HTR4: variants seen among roughly 807,000 people sequenced by gnomAD.
HTR4 encodes 5-hydroxytryptamine (serotonin) receptor 4, G protein-coupled.
HTR4 carries 16 observed loss-of-function variants against 36.8 expected under a neutral mutation model. The ratio of observed to expected loss-of-function variants is 0.43; its 90% confidence interval spans 0.29 to 0.66. The LOEUF (loss-of-function observed/expected upper bound fraction) is 0.66. Ranked by LOEUF, HTR4 falls within the 30% of genes least tolerant of loss-of-function variation. HTR4 has a pLI of 0.13. For missense variants in HTR4, 438 were observed against 490.9 expected (o/e 0.89, Z 1.02); for synonymous variants, 189 against 185.1 (o/e 1.02, Z -0.17).
At chr5:148,506,912 T>C (rs1757243148) in intron 6 of HTR4, among the ~76,000 whole-genome samples, 1 of 152,194 alleles carries the variant, frequency 6.6e-6, no homozygotes, top group Non-Finnish European at 1.5e-5. Flanking sequence ...AGGAACACTT[T>C]TACACTGTTG....
intron 5 of HTR4, among the ~76,000 whole-genome samples, chr5:148,511,769 C>T (rs185042550): frequency 6.6e-5 from 10 of 151,938 alleles, no homozygotes; most frequent in African/African-American, 1.9e-4. Flanking sequence ...ATTTCCACCA[C>T]GAGAGCAGGA....
At chr5:148,537,423 AC>A (rs1218587929) in intron 4 of HTR4, among the ~76,000 whole-genome samples, 10 of 152,210 alleles carry the variant, frequency 6.6e-5, no homozygotes, top group African/African-American at 1.9e-4. Flanking sequence ...ACACAAAAAA[AC>A]ATTCAAAAGA....
At chr5:148,626,306 G>A (rs112639045) in intron 2 of HTR4, among the ~76,000 whole-genome samples, 151 of 152,312 alleles carry the variant, frequency 9.9e-4, no homozygotes, top group Non-Finnish European at 1.9e-3. Context: ...CCCTTTCAGG[G>A]AGGGGATTTT....
chr5:148,615,751 T>C (rs553008091), intron 2 of HTR4, among the ~76,000 whole-genome samples: 1 of 144,462 alleles, frequency 6.9e-6, no homozygotes, highest in East Asian at 2.2e-4. Flanking sequence ...ATAAAGCTCC[T>C]AAAGGTATGT....
intron 2 of HTR4, among the ~76,000 whole-genome samples, chr5:148,587,360 A>G (rs1348950066): frequency 6.6e-6 from 1 of 152,212 alleles, no homozygotes; most frequent in Non-Finnish European, 1.5e-5. Context: ...AAGGTCACAC[A>G]GCAAGTTAGT....
intron 4 of HTR4, among the ~76,000 whole-genome samples, chr5:148,535,098 C>T (rs894289141): frequency 3.9e-5 from 6 of 152,164 alleles, no homozygotes; most frequent in Non-Finnish European, 7.3e-5. Flanking sequence ...CAGGACCACA[C>T]CTCGAAGCTT....
rs117831118 is a variant in HTR4, at chr5:148,597,700, C to A, written c.26+39289G>T. 6.0e-4 allele frequency among the ~76,000 whole-genome samples: 91 copies of A among 152,308 alleles called. 1 individual carries two copies. In the East Asian group the frequency reaches 0.017, roughly 28 times the overall value. Reference sequence around the variant, plus strand: ...TTTCAACTGTCACTTTCCTACATAGCCTTATCTGACCCTCCAGCCAACATG... The same window carrying A: ...TTTCAACTGTCACTTTCCTACATAGACTTATCTGACCCTCCAGCCAACATG... On this transcript the variant is annotated intron_variant, in intron 2 of 6. Transcript: ENST00000377888.
At chr5:148,644,205 C>T (rs1753807584) in intron 1 of HTR4, among the ~76,000 whole-genome samples, 1 of 152,122 alleles carries the variant, frequency 6.6e-6, no homozygotes, top group African/African-American at 2.4e-5. Flanking sequence ...TTCACATCCC[C>T]CGGGGAAAGA....
At chr5:148,566,965 T>G (rs1166950626) in intron 2 of HTR4, among the ~76,000 whole-genome samples, 1 of 151,736 alleles carries the variant, frequency 6.6e-6, no homozygotes, top group Non-Finnish European at 1.5e-5. Flanking sequence ...AAAAATTGTG[T>G]TTTTTTTCAA....
At chr5:148,624,469 C>T (rs932666160) in intron 2 of HTR4, among the ~76,000 whole-genome samples, 2 of 152,144 alleles carry the variant, frequency 1.3e-5, no homozygotes, top group South Asian at 4.1e-4. Flanking sequence ...GCATTCAGTG[C>T]CTGTTAGCTA....
intron 6 of HTR4, among the ~76,000 whole-genome samples, chr5:148,483,881 C>T (rs1371429479): frequency 1.3e-5 from 2 of 152,004 alleles, no homozygotes; most frequent in Non-Finnish European, 2.9e-5. Flanking sequence ...GTTTTTGATA[C>T]AACAACTGTC....
At chr5:148,599,047 A>G (rs1042089475) in intron 2 of HTR4, among the ~76,000 whole-genome samples, 2 of 152,216 alleles carry the variant, frequency 1.3e-5, no homozygotes, top group Admixed American at 1.3e-4. Context: ...TAAAGAGAAC[A>G]TTAAAAAACA....
At chr5:148,500,456 G>A (rs1456701915) in intron 6 of HTR4, among the ~76,000 whole-genome samples, 1 of 151,910 alleles carries the variant, frequency 6.6e-6, no homozygotes, top group Non-Finnish European at 1.5e-5. Context: ...TGGTGTTAAG[G>A]AAAATTAAGG....
chr5:148,653,178 T>C (rs879031495), intron 1 of HTR4, among the ~76,000 whole-genome samples: 1 of 152,158 alleles, frequency 6.6e-6, no homozygotes. Flanking sequence ...GAGGGCAAAC[T>C]TGAACCAGTG....
rs375959237 is a variant in HTR4 at position 148,466,086 on chromosome 5, G to A, written c.1077-14814C>T. Among the ~76,000 whole-genome samples the A allele has an allele frequency of 2.4e-4, 36 of 152,254 alleles. No individual in the cohort carries two copies. In the South Asian group the frequency reaches 7.3e-3, roughly 31 times the overall value. On this transcript the variant is annotated intron_variant, in intron 5 of 5. Transcript: ENST00000521530. ...TGCTTTTAGAGGAGGATAAGGAGGG[G>A]AGCATAATTATTGCACAACATGGTT...
At chr5:148,531,270 TC>T (rs1371715712) in intron 4 of HTR4, among the ~76,000 whole-genome samples, 1 of 152,180 alleles carries the variant, frequency 6.6e-6, no homozygotes, top group African/African-American at 2.4e-5. Context: ...GTATTGCGGC[TC>T]CCACAGTTCC....
intron 6 of HTR4, among the ~76,000 whole-genome samples, chr5:148,484,047 A>G (rs1463775517): frequency 6.6e-6 from 1 of 152,100 alleles, no homozygotes; most frequent in African/African-American, 2.4e-5. Flanking sequence ...GTATCACTTT[A>G]GTCAGCTGAG....
chr5:148,598,917 C>G (rs551028214), intron 2 of HTR4, among the ~76,000 whole-genome samples: 18 of 151,960 alleles, frequency 1.2e-4, no homozygotes. Flanking sequence ...CAGAATTTCA[C>G]AAGTAGATTT....
chr5:148,477,400 C>T (rs559318053), downstream of HTR4, among the ~76,000 whole-genome samples: 73 of 152,018 alleles, frequency 4.8e-4, no homozygotes, highest in Non-Finnish European at 9.7e-4. Flanking sequence ...CACGGAGAAA[C>T]AAAGGGGCAA....
Sources: allele counts gnomAD v4.1 joint callset (sites outside exome capture counted in the v4.1 genomes callset), GRCh38; gene constraint gnomAD v4.1.1; transcripts MANE v1.5; gene names NCBI Gene and HGNC (gene_info 2026-07-23, HGNC 2026-07-21).